The following MCFD2 variants were observed in gnomAD, a reference collection of about 807,000 sequenced individuals.
MCFD2 encodes multiple coagulation factor deficiency protein 2.
MCFD2 carries 11 observed loss-of-function variants against 12.8 expected under a neutral mutation model. That is an observed-to-expected ratio of 0.86 (90% CI 0.54 to 1.42). The LOEUF (loss-of-function observed/expected upper bound fraction) is 1.42, where lower values mean the gene tolerates loss of function less well. Among genes scored for constraint, MCFD2 ranks in the 40% most tolerant of loss-of-function variants. The pLI, the probability that MCFD2 is intolerant of heterozygous loss-of-function variation, is 0.00. For missense variants in MCFD2, 191 were observed against 178.6 expected (o/e 1.07, Z -0.40); for synonymous variants, 70 against 68.1 (o/e 1.03, Z -0.14).
intron 1 of MCFD2, among the ~76,000 whole-genome samples, chr2:46,939,383 G>C (rs954093122): frequency 1.3e-5 from 2 of 152,152 alleles, no homozygotes; most frequent in African/African-American, 4.8e-5. Flanking sequence ...CAGAGGGCTG[G>C]GGTTTTGTCC....
intron 1 of MCFD2, among the ~76,000 whole-genome samples, chr2:46,926,973 C>T (rs188148188): frequency 6.9e-4 from 99 of 143,104 alleles, no homozygotes; most frequent in African/African-American, 1.8e-3. Context: ...AAAAATATAA[C>T]GGATAGATTG....
At chr2:46,929,949 C>T (rs1041837723) in intron 1 of MCFD2, among the ~76,000 whole-genome samples, 10 of 152,150 alleles carry the variant, frequency 6.6e-5, no homozygotes, top group Admixed American at 2.0e-4. Context: ...ACAGTGGCTG[C>T]TTTGCTAGCT....
chr2:46,933,121 T>C (rs964119698), intron 1 of MCFD2, among the ~76,000 whole-genome samples: 61 of 152,036 alleles, frequency 4.0e-4, no homozygotes, highest in African/African-American at 1.4e-3. Flanking sequence ...CTGGGCAAGA[T>C]GGAGAAATCA....
intron 1 of MCFD2, among the ~76,000 whole-genome samples, chr2:46,929,132 C>T (rs534029142): frequency 4.6e-5 from 7 of 152,274 alleles, no homozygotes; most frequent in Admixed American, 2.6e-4. Context: ...CACTGCACCC[C>T]AGCCTGGGGC....
At chr2:46,929,862 CAG>C (rs1472691759) in intron 1 of MCFD2, among the ~76,000 whole-genome samples, 1 of 152,170 alleles carries the variant, frequency 6.6e-6, no homozygotes. Flanking sequence ...CACACCTAGA[CAG>C]AAGTTTTAAG....
At chr2:46,927,801 G>A (rs533310450) in intron 1 of MCFD2, among the ~76,000 whole-genome samples, 66 of 149,462 alleles carry the variant, frequency 4.4e-4, no homozygotes, top group African/African-American at 1.6e-3. Flanking sequence ...TATCCTTCAA[G>A]AGTAAACGTG....
At chr2:46,924,847 C>T (rs72886667) in intron 1 of MCFD2, among the ~76,000 whole-genome samples, 1,780 of 152,286 alleles carry the variant, frequency 0.012, 38 homozygotes, top group African/African-American at 0.041. Flanking sequence ...AGGCTGGACT[C>T]GAGCTCTGGG....
chr2:46,925,794 A>G (rs148533367), intron 1 of MCFD2, among the ~76,000 whole-genome samples: 29 of 152,352 alleles, frequency 1.9e-4, no homozygotes, highest in Non-Finnish European at 3.2e-4. Flanking sequence ...TTAAAAGTCA[A>G]TGGAAGATAA....
rs1668160114 is a variant in MCFD2, at chr2:46,905,032, T to TG, written c.*430dup. On this transcript the variant is annotated 3_prime_UTR_variant, in exon 4 of 4. Transcript: ENST00000319466. ...AGTGAATAAGTTTCACAAGATCTGA[T>TG]GGCTTATCAGGGGTTTCCACTTTTG... 1.4e-5 allele frequency: 4 copies of TG among 289,002 alleles called. No individual in the cohort carries two copies. Among genetic ancestry groups the TG allele is most frequent in the South Asian group, 3.8e-5 (1 of 26,644 alleles). The allele number at this position is 289,002 out of a possible 1,614,324, so 17.9% of individuals were successfully genotyped here.
At position 46,940,100 on chromosome 2, in the gene MCFD2, G is replaced by T. The variant is rs1471996181; in HGVS notation, c.-8+1472C>A. On this transcript the variant is annotated intron_variant, in intron 1 of 2. Coordinates refer to the MCFD2 transcript ENST00000409147. The surrounding 1 kb of genome is among the most constrained non-coding windows in gnomAD (Gnocchi z 4.7). Reference sequence around the variant, plus strand: ...GACTGTCTTCAACTAATCACCCTGTGTGGCTTCATGTGAAAGGCCACACGG... The same window carrying T: ...GACTGTCTTCAACTAATCACCCTGTTTGGCTTCATGTGAAAGGCCACACGG... Among the ~76,000 whole-genome samples, 1 of 152,068 alleles carries T rather than the reference G, an allele frequency of 6.6e-6. No individual in the cohort carries two copies. The highest frequency in any genetic ancestry group is 2.4e-5 in the African/African-American group (1 of 41,402).
At chr2:46,926,590 G>T (rs1471576339) in intron 1 of MCFD2, among the ~76,000 whole-genome samples, 2 of 152,126 alleles carry the variant, frequency 1.3e-5, no homozygotes, top group African/African-American at 4.8e-5. Flanking sequence ...CAGATTTTTT[G>T]AATAAGGTGA....
At chr2:46,930,533 C>G (rs1193143553) in intron 1 of MCFD2, among the ~76,000 whole-genome samples, 9 of 140,122 alleles carry the variant, frequency 6.4e-5, no homozygotes, top group Non-Finnish European at 3.0e-5. Context: ...AAGTCTCACT[C>G]TTGTACCCCA....
At chr2:46,927,925 ACT>A (rs201209041) in intron 1 of MCFD2, among the ~76,000 whole-genome samples, 4,982 of 108,372 alleles carry the variant, frequency 0.046, 133 homozygotes, top group Middle Eastern at 0.19. Context: ...ACAGGGTCTC[ACT>A]CTGTCACCCA....
intron 1 of MCFD2, among the ~76,000 whole-genome samples, chr2:46,930,361 A>T (rs1390363572): frequency 6.6e-6 from 1 of 151,816 alleles, no homozygotes; most frequent in Non-Finnish European, 1.5e-5. Context: ...TTCTACGAAC[A>T]CTTAAAAGAT....
chr2:46,925,428 G>T (rs1273179487), intron 1 of MCFD2, among the ~76,000 whole-genome samples: 1 of 152,090 alleles, frequency 6.6e-6, no homozygotes, highest in Non-Finnish European at 1.5e-5. Context: ...CATGGTGGTG[G>T]GCGCTTGTAA....
intron 1 of MCFD2, among the ~76,000 whole-genome samples, chr2:46,910,463 C>A (rs1668438096): frequency 6.6e-6 from 1 of 152,192 alleles, no homozygotes; most frequent in South Asian, 2.1e-4. Context: ...CAGCCCCAAA[C>A]CAGCAGTGGT....
chr2:46,914,363 T>C (rs1180673206), intron 1 of MCFD2, among the ~76,000 whole-genome samples: 1 of 152,104 alleles, frequency 6.6e-6, no homozygotes, highest in Non-Finnish European at 1.5e-5. Context: ...CATCCAGACA[T>C]CCTGTACCCA....
intron 1 of MCFD2, among the ~76,000 whole-genome samples, chr2:46,923,857 A>C (rs1275275135): frequency 2.0e-5 from 3 of 151,880 alleles, no homozygotes; most frequent in Non-Finnish European, 4.4e-5. Flanking sequence ...CTCAGCCTCC[A>C]GAGTAGCTGG....
intron 1 of MCFD2, among the ~76,000 whole-genome samples, chr2:46,911,177 G>C (rs1311617367): frequency 1.3e-5 from 2 of 151,946 alleles, no homozygotes; most frequent in African/African-American, 4.8e-5. Context: ...CGCCAGGCTG[G>C]AGTGCAGTGG....
Sources: gnomAD v4.1 joint callset for allele counts (sites outside exome capture counted in the v4.1 genomes callset) on GRCh38, gnomAD v4.1.1 for gene constraint, Gnocchi (gnomAD v3.1) non-coding constraint, MANE v1.5 for transcripts, NCBI Gene and HGNC (gene_info 2026-07-23, HGNC 2026-07-21) for gene names.